The following KANK1 variants were observed in gnomAD, a reference collection of about 807,000 sequenced individuals.
KANK1 encodes KN motif and ankyrin repeat domains 1, also known as KN motif and ankyrin repeat domain-containing protein 1.
Under a neutral mutation model 106.2 loss-of-function variants are expected in KANK1, and 109 were observed. The ratio of observed to expected loss-of-function variants is 1.03; its 90% CI spans 0.88 to 1.20. The LOEUF (loss-of-function observed/expected upper bound fraction) is 1.20, where lower values mean the gene tolerates loss of function less well. Ranked by LOEUF, KANK1 falls within the 50% of genes most tolerant of loss-of-function variation. The pLI is 0.00. For missense variants in KANK1, 2,399 were observed against 1,710.7 expected, an observed-to-expected ratio of 1.40 and a Z score of -7.10; for synonymous variants, 873 against 652.2, an observed-to-expected ratio of 1.34 and a Z score of -5.16.
intron 1 of KANK1, among the ~76,000 whole-genome samples, chr9:625,742 G>C (rs972850666): frequency 4.6e-5 from 7 of 152,172 alleles, no homozygotes; most frequent in African/African-American, 1.7e-4. Context: ...AAGAAGTTTT[G>C]AGTCTCCTTG....
At chr9:540,403 T>C (rs1171090506) in intron 1 of KANK1, 1 of 152,250 alleles carries the variant, frequency 6.6e-6, no homozygotes, top group African/African-American at 2.4e-5. Flanking sequence ...TCATGGTGTA[T>C]GATCCTTTTA....
At chr9:623,288 C>T (rs188670939) in intron 1 of KANK1, among the ~76,000 whole-genome samples, 47 of 151,988 alleles carry the variant, frequency 3.1e-4, no homozygotes, top group Non-Finnish European at 6.0e-4. Context: ...AAATAGCCAA[C>T]AGGTAAATGA....
intron 1 of KANK1, among the ~76,000 whole-genome samples, chr9:674,591 C>G (rs1177051727): frequency 6.6e-6 from 1 of 152,014 alleles, no homozygotes; most frequent in African/African-American, 2.4e-5. Context: ...TATTTCTGAC[C>G]CCTTATAATC....
At chr9:740,683 G>T in intron 8 of KANK1, 109 bp from the exon 9 acceptor site, 1 of 1,213,302 alleles carries the variant, frequency 8.2e-7, no homozygotes. Context: ...CAGCCACCTG[G>T]TACCATTTCA....
rs899636145 is a variant in KANK1, at chr9:702,417, G to A, written c.38-8387G>A. Among the ~76,000 whole-genome samples the A allele has an allele frequency of 3.3e-5, 5 of 152,264 alleles. No individual in the cohort carries two copies. In the East Asian group the frequency reaches 7.7e-4, roughly 24 times the overall value. ...AGACTGTGAGCCTTGTGAGAACAGA[G>A]ACTTTGTCCATTTTGTTCGGTGCCC... On this transcript the variant is annotated intron_variant, in intron 2 of 11. Transcript: ENST00000382297.
chr9:645,439 TAA>T (rs376740141), intron 1 of KANK1, among the ~76,000 whole-genome samples: 748 of 70,214 alleles, frequency 0.011, 17 homozygotes, highest in East Asian at 0.066. Flanking sequence ...GACTGTGTCT[TAA>T]AAAAAAAAAA....
At chr9:568,895 G>A (rs553085119) in intron 1 of KANK1, among the ~76,000 whole-genome samples, 28 of 152,256 alleles carry the variant, frequency 1.8e-4, no homozygotes, top group African/African-American at 6.7e-4. Context: ...CCCTTAATAT[G>A]TTTTGCCAAA....
At chr9:504,521 C>G (rs1273270845), upstream of KANK1, among the ~76,000 whole-genome samples, 2 of 151,504 alleles carry the variant, frequency 1.3e-5, no homozygotes, top group African/African-American at 2.4e-5. Context: ...CCGGCCCGCG[C>G]CGTTCTTCTC....
intron 1 of KANK1, among the ~76,000 whole-genome samples, chr9:544,130 C>T (rs2060783202): frequency 6.6e-6 from 1 of 151,874 alleles, no homozygotes; most frequent in South Asian, 2.1e-4. Context: ...AAGTGATCTT[C>T]CCACCTCAGC....
chr9:550,201 C>T (rs572100040), intron 1 of KANK1, among the ~76,000 whole-genome samples: 15 of 152,144 alleles, frequency 9.9e-5, no homozygotes, highest in South Asian at 6.2e-4. Context: ...CCACCCCAAC[C>T]GCCTCCCCTC....
intron 1 of KANK1, among the ~76,000 whole-genome samples, chr9:627,276 C>G (rs1472069229): frequency 6.6e-6 from 1 of 152,136 alleles, no homozygotes; most frequent in Non-Finnish European, 1.5e-5. Context: ...TCCTCCTTCT[C>G]CCTAAACCAC....
Position 744,565 on chromosome 9 carries a change from C to A in KANK1, c.3972C>A (p.Val1324=). 1 of 1,614,126 alleles carries A rather than the reference C, an allele frequency of 6.2e-7. No homozygotes were observed. The highest frequency in any genetic ancestry group is 1.1e-5 in the South Asian group (1 of 91,062). The change falls in exon 11 of 12, where the codon GTC becomes GTA. Residue 1324 remains valine (V), a synonymous_variant. Coordinates refer to ENST00000382297, the MANE Select transcript of KANK1 (RefSeq NM_015158.5). ...KDIAVLLYAH[V]NFAKAQSPGT... ...TCGCTGTTCTTCTGTATGCCCATGTCAACTTTGCAAAAGCCCAGTCTCCGG... is the reference window on the plus strand; with the variant it reads ...TCGCTGTTCTTCTGTATGCCCATGTAAACTTTGCAAAAGCCCAGTCTCCGG...
intron 1 of KANK1, among the ~76,000 whole-genome samples, chr9:652,856 A>G (rs1023883967): frequency 3.3e-5 from 5 of 152,050 alleles, no homozygotes; most frequent in African/African-American, 1.2e-4. Flanking sequence ...GTACATGGAG[A>G]GGGAATAGAA....
At chr9:588,516 C>G (rs543605379) in intron 1 of KANK1, among the ~76,000 whole-genome samples, 1 of 152,154 alleles carries the variant, frequency 6.6e-6, no homozygotes, top group African/African-American at 2.4e-5. Flanking sequence ...AGTTTATAAT[C>G]TCAGTAGCAG....
At chr9:693,210 C>T (rs1193761929) in intron 2 of KANK1, among the ~76,000 whole-genome samples, 13 of 152,100 alleles carry the variant, frequency 8.5e-5, no homozygotes, top group African/African-American at 3.1e-4. Flanking sequence ...TTATATGTTG[C>T]ATTAAATAAG....
At chr9:667,342 T>G (rs1748094847) in intron 1 of KANK1, among the ~76,000 whole-genome samples, 1 of 152,076 alleles carries the variant, frequency 6.6e-6, no homozygotes, top group Admixed American at 6.5e-5. Context: ...TAAAGTTTTG[T>G]CAGTTTTTTT....
chr9:485,894 AAAAG>A (rs200199010), intron 3 of KANK1, among the ~76,000 whole-genome samples: 2,159 of 151,502 alleles, frequency 0.014, 32 homozygotes, highest in African/African-American at 0.048. Context: ...AAAGAAAAGA[AAAAG>A]AGAGAGAGAG....
At chr9:740,609 A>C (rs550804659) in intron 8 of KANK1, among the ~76,000 whole-genome samples, 183 bp from the exon 9 acceptor site, 22 of 152,022 alleles carry the variant, frequency 1.4e-4, no homozygotes, top group Admixed American at 4.6e-4. Flanking sequence ...AATAGGGGGA[A>C]AAAAAGTTTT....
intron 1 of KANK1, among the ~76,000 whole-genome samples, chr9:529,959 C>G (rs551795560): frequency 6.6e-6 from 1 of 152,276 alleles, no homozygotes; most frequent in African/African-American, 2.4e-5. Flanking sequence ...TATGACATTT[C>G]TTAATCTTTA....
Sources: allele counts gnomAD v4.1 joint callset (sites outside exome capture counted in the v4.1 genomes callset), GRCh38; gene constraint gnomAD v4.1.1; transcripts MANE v1.5; gene names NCBI Gene and HGNC (gene_info 2026-07-23, HGNC 2026-07-21).